The following SOX5 variants were observed in gnomAD, a reference collection of about 807,000 sequenced individuals.
SOX5 encodes transcription factor SOX-5.
In SOX5, 9 loss-of-function variants were observed where a neutral mutation model predicts 92.0. That is an observed-to-expected ratio of 0.10 (90% CI 0.06 to 0.17). The LOEUF (loss-of-function observed/expected upper bound fraction) is 0.17, where lower values mean the gene tolerates loss of function less well. SOX5 is among the 10% of genes least tolerant of loss of function. SOX5 has a pLI of 1.00. For synonymous variants in SOX5, 344 were observed against 336.3 expected, an observed-to-expected ratio of 1.02 and a Z score of -0.25; for missense variants, 642 against 944.5, an observed-to-expected ratio of 0.68 and a Z score of 4.20.
At chr12:24,544,619 C>T (rs1049080806) in intron 1 of SOX5, among the ~76,000 whole-genome samples, 2 of 152,310 alleles carry the variant, frequency 1.3e-5, no homozygotes, top group Non-Finnish European at 1.5e-5. Flanking sequence ...CAGATATACA[C>T]TCACATGCAT....
At chr12:24,077,254 G>A (rs1432949952) in intron 4 of SOX5, among the ~76,000 whole-genome samples, 1 of 152,004 alleles carries the variant, frequency 6.6e-6, no homozygotes, top group Non-Finnish European at 1.5e-5. Flanking sequence ...GACTGACTCT[G>A]GTGCTTTCCC....
At chr12:23,860,377 G>A (rs1276802823) in intron 2 of SOX5, among the ~76,000 whole-genome samples, 1 of 151,750 alleles carries the variant, frequency 6.6e-6, no homozygotes, top group African/African-American at 2.4e-5. Flanking sequence ...ATAAGATTAA[G>A]CAACTTGAAA....
chr12:24,201,315 G>C (rs1957494782), intron 4 of SOX5, among the ~76,000 whole-genome samples: 1 of 151,316 alleles, frequency 6.6e-6, no homozygotes, highest in African/African-American at 2.4e-5. Context: ...TTGAAAATCT[G>C]ATAAAATCAC....
intron 6 of SOX5, among the ~76,000 whole-genome samples, chr12:23,713,696 AAT>A (rs1247160005): frequency 1.4e-5 from 2 of 146,860 alleles, no homozygotes; most frequent in Non-Finnish European, 3.0e-5. Flanking sequence ...AATTATCTGG[AAT>A]ATATATAAAT....
At chr12:23,865,460 G>A (rs568786378) in intron 2 of SOX5, among the ~76,000 whole-genome samples, 3 of 152,258 alleles carry the variant, frequency 2.0e-5, no homozygotes, top group African/African-American at 7.2e-5. Context: ...CAGATCACGA[G>A]GTCCAGAGAT....
At chr12:23,901,834 C>G (rs1039081760) in intron 1 of SOX5, among the ~76,000 whole-genome samples, 7 of 152,148 alleles carry the variant, frequency 4.6e-5, no homozygotes, top group Non-Finnish European at 1.0e-4. Context: ...TCTGATTATG[C>G]CCTACCTAGG....
In SOX5 at chr12:23,536,577, C is replaced by T; in HGVS notation, c.1864G>A (p.Asp622Asn). 1.2e-6 allele frequency: 2 copies of T among 1,614,160 alleles called. No homozygotes were observed. Among genetic ancestry groups the T allele is most frequent in the Non-Finnish European group, 1.7e-6 (2 of 1,180,002 alleles). Residue 622 changes from aspartate (D) to asparagine (N), a missense_variant, in exon 14 of 15, where the codon GAC becomes AAC. Physicochemically the swap from Asp to Asn is conservative, Grantham distance 23. Around this residue, in one of 8 missense-constraint regions of SOX5, gnomAD observed 21 missense variants for 52.3 expected, o/e 0.40. Coordinates refer to ENST00000451604, the MANE Select transcript of SOX5 (RefSeq NM_006940.6). ...LSKQHLEKYP[D>N]YKYKPRPKRT... ...TTTGGCCTGGGCTTGTACTTATAGTCAGGGTACTTCTCCAGGTGCTGCTTG... is the reference window on the plus strand; with the variant it reads ...TTTGGCCTGGGCTTGTACTTATAGTTAGGGTACTTCTCCAGGTGCTGCTTG...
intron 1 of SOX5, among the ~76,000 whole-genome samples, chr12:23,909,071 T>C (rs912109279): frequency 6.6e-6 from 1 of 152,164 alleles, no homozygotes; most frequent in Non-Finnish European, 1.5e-5. Flanking sequence ...TGGCATATAC[T>C]GCAGAGAAGA....
At chr12:24,463,215 AG>A (rs1353206195) in intron 1 of SOX5, among the ~76,000 whole-genome samples, 1 of 152,056 alleles carries the variant, frequency 6.6e-6, no homozygotes, top group Non-Finnish European at 1.5e-5. Flanking sequence ...TCAAAAAAAA[AG>A]AAAAAAAAAA....
intron 7 of SOX5, among the ~76,000 whole-genome samples, chr12:23,651,388 T>C (rs1368136434): frequency 6.6e-6 from 1 of 152,024 alleles, no homozygotes; most frequent in Non-Finnish European, 1.5e-5. Flanking sequence ...AAGGAAAACA[T>C]TATTGCAGAA....
intron 4 of SOX5, among the ~76,000 whole-genome samples, chr12:24,075,463 A>G (rs2137513510): frequency 6.6e-6 from 1 of 152,210 alleles, no homozygotes; most frequent in East Asian, 1.9e-4. Context: ...GACCTACATT[A>G]TCTGGACCGT....
chr12:24,253,709 G>A (rs866882930), intron 3 of SOX5, among the ~76,000 whole-genome samples: 1 of 152,072 alleles, frequency 6.6e-6, no homozygotes, highest in Non-Finnish European at 1.5e-5. Flanking sequence ...AGGCAAAATG[G>A]AAAAGACCAT....
intron 2 of SOX5, among the ~76,000 whole-genome samples, chr12:24,339,163 C>CCACACACACACACACACACACACA (rs56243419): frequency 2.1e-5 from 3 of 140,382 alleles, no homozygotes; most frequent in Non-Finnish European, 4.6e-5. Context: ...TCTCTCTCTG[C>CCACACACACACACACACACACACA]CACACACACA....
intron 3 of SOX5, among the ~76,000 whole-genome samples, chr12:23,803,862 G>T (rs2095709360): frequency 6.6e-6 from 1 of 152,146 alleles, no homozygotes; most frequent in Admixed American, 6.5e-5. Flanking sequence ...CAGAAAGTGA[G>T]GGGTTAAGAG....
At chr12:24,112,098 A>AT (rs1170798809) in intron 4 of SOX5, among the ~76,000 whole-genome samples, 10 of 152,228 alleles carry the variant, frequency 6.6e-5, no homozygotes, top group Admixed American at 6.5e-4. Context: ...CATGTATACC[A>AT]TGGCTTCGCT....
At chr12:23,949,998 A>C (rs1427279175), upstream of SOX5, among the ~76,000 whole-genome samples, 1 of 151,650 alleles carries the variant, frequency 6.6e-6, no homozygotes, top group African/African-American at 2.4e-5. Flanking sequence ...TGAGAAGTCA[A>C]CTCATTTAAC....
At chr12:24,100,064 C>T (rs561320914) in intron 4 of SOX5, among the ~76,000 whole-genome samples, 30 of 152,220 alleles carry the variant, frequency 2.0e-4, no homozygotes, top group Non-Finnish European at 1.3e-4. Flanking sequence ...CTGAGGAGTG[C>T]TCTTCCTTTA....
chr12:23,993,864 AATGTATGTATGTATGTATGT>A (rs5797056), intron 4 of SOX5, among the ~76,000 whole-genome samples: 11 of 146,622 alleles, frequency 7.5e-5, no homozygotes, highest in South Asian at 4.4e-4. Flanking sequence ...CTCCCTATGA[AATGTATGTATGTATGTATGT>A]ATGTATGTAT....
At chr12:23,740,030 G>T (rs1292763593) in intron 5 of SOX5, among the ~76,000 whole-genome samples, 1 of 152,108 alleles carries the variant, frequency 6.6e-6, no homozygotes, top group Non-Finnish European at 1.5e-5. Flanking sequence ...AGAAGCACTA[G>T]ATTACTATTA....
Sources: gnomAD v4.1 joint callset for allele counts (sites outside exome capture counted in the v4.1 genomes callset) on GRCh38, gnomAD v4.1.1 for gene constraint, gnomAD v4.1.1 regional missense constraint, MANE v1.5 for transcripts, NCBI Gene and HGNC (gene_info 2026-07-23, HGNC 2026-07-21) for gene names.